Variants in GABRB1 observed in about 807,000 individuals in gnomAD.
GABRB1 encodes the protein gamma-aminobutyric acid receptor subunit beta-1.
Under a neutral mutation model 51.6 loss-of-function variants are expected in GABRB1, and 17 were observed. The ratio of observed to expected loss-of-function variants is 0.33; its 90% CI spans 0.23 to 0.49. The LOEUF (loss-of-function observed/expected upper bound fraction) is 0.49, where lower values mean the gene tolerates loss of function less well. GABRB1 is among the 20% of genes least tolerant of loss of function. The pLI is 0.99. For synonymous variants in GABRB1, 247 were observed against 218.9 expected (o/e 1.13, Z -1.14); for missense variants, 410 against 600.6 (o/e 0.68, Z 3.32).
intron 5 of GABRB1, among the ~76,000 whole-genome samples, chr4:47,398,696 T>C (rs1364982781): frequency 2.7e-5 from 4 of 148,280 alleles, no homozygotes; most frequent in East Asian, 2.0e-4. Context: ...GCCATTCTCC[T>C]GCCTCAGCCT....
rs3050706 is a variant in GABRB1 at position 47,160,753 on chromosome 4, ATTATTTAT to A, written c.241-472_241-465del. The stretch of plus-strand genomic sequence containing the variant: ...TTTCAAGTATAGTTCTAGTACTTTT[ATTATTTAT>A]TTATTTATTTATTTATTTATTTAAC... On this transcript the variant is annotated intron_variant, in intron 3 of 8. Coordinates refer to ENST00000295454, the MANE Select transcript of GABRB1 (RefSeq NM_000812.4). Among the ~76,000 whole-genome samples, 101 of 147,812 alleles carry A rather than the reference ATTATTTAT, an allele frequency of 6.8e-4. 1 individual carries two copies. In the East Asian group the frequency reaches 0.015, roughly 22 times the overall value.
intron 3 of GABRB1, among the ~76,000 whole-genome samples, chr4:47,070,824 T>C (rs1363489844): frequency 6.6e-6 from 1 of 152,126 alleles, no homozygotes; most frequent in African/African-American, 2.4e-5. Flanking sequence ...CATGAATGAG[T>C]TCATCCAGTC....
chr4:47,294,987 CA>C (rs1430416041), intron 4 of GABRB1, among the ~76,000 whole-genome samples: 1 of 152,218 alleles, frequency 6.6e-6, no homozygotes, highest in Non-Finnish European at 1.5e-5. Flanking sequence ...TGCTGATACC[CA>C]GGCAAACAGG....
chr4:47,246,120 G>A (rs964925982), intron 4 of GABRB1, among the ~76,000 whole-genome samples: 3 of 147,830 alleles, frequency 2.0e-5, no homozygotes, highest in Non-Finnish European at 3.0e-5. Context: ...TTATGCCTTT[G>A]CATCCTCATA....
At chr4:47,295,600 G>A (rs1723950749) in intron 4 of GABRB1, among the ~76,000 whole-genome samples, 1 of 152,124 alleles carries the variant, frequency 6.6e-6, no homozygotes, top group Non-Finnish European at 1.5e-5. Context: ...AAGAAATATG[G>A]GACTATGAGA....
At chr4:47,313,819 A>G (rs1294360065) in intron 4 of GABRB1, among the ~76,000 whole-genome samples, 1 of 152,048 alleles carries the variant, frequency 6.6e-6, no homozygotes, top group Non-Finnish European at 1.5e-5. Context: ...CTCCCTTCTC[A>G]GAGAGTCCTG....
chr4:47,208,678 C>T (rs79386102), intron 4 of GABRB1, among the ~76,000 whole-genome samples: 5 of 152,182 alleles, frequency 3.3e-5, no homozygotes, highest in African/African-American at 7.2e-5. Flanking sequence ...GTGAAAGGCT[C>T]TTCATGGAGA....
chr4:47,001,757 C>T (rs1724226260), intron 1 of GABRB1, among the ~76,000 whole-genome samples: 1 of 152,220 alleles, frequency 6.6e-6, no homozygotes, highest in Non-Finnish European at 1.5e-5. Context: ...ATAATCTATA[C>T]TCTATCGGTT....
At chr4:47,424,894 G>A (rs1423211699) in intron 8 of GABRB1, among the ~76,000 whole-genome samples, 3 of 152,208 alleles carry the variant, frequency 2.0e-5, no homozygotes, top group African/African-American at 7.2e-5. Context: ...GGAACTACAG[G>A]AAGCATCAGT....
chr4:47,308,736 C>A (rs571462368), intron 4 of GABRB1, among the ~76,000 whole-genome samples: 6 of 152,078 alleles, frequency 3.9e-5, no homozygotes. Context: ...CTGTCTGAGT[C>A]TTGTTTAGTT....
At chr4:47,131,891 AT>A (rs573077644) in intron 3 of GABRB1, among the ~76,000 whole-genome samples, 383 of 151,694 alleles carry the variant, frequency 2.5e-3, no homozygotes, top group Middle Eastern at 0.014. Context: ...GAGCAATATA[AT>A]TTTTTTTTCA....
chr4:47,182,069 A>G (rs1476682697), intron 4 of GABRB1, among the ~76,000 whole-genome samples: 6 of 152,042 alleles, frequency 3.9e-5, no homozygotes, highest in Admixed American at 3.3e-4. Context: ...TGCAGAAGGC[A>G]TAATCTGATC....
intron 3 of GABRB1, among the ~76,000 whole-genome samples, chr4:47,052,194 C>A (rs532719998): frequency 3.9e-5 from 6 of 152,198 alleles, no homozygotes; most frequent in African/African-American, 1.4e-4. Context: ...AGACCTGTGC[C>A]TTGTAATTGC....
chr4:47,263,993 T>A (rs1020741776), intron 4 of GABRB1, among the ~76,000 whole-genome samples: 1 of 148,266 alleles, frequency 6.7e-6, no homozygotes, highest in East Asian at 2.0e-4. Flanking sequence ...AAAAAAAAAA[T>A]CAGCCAGGTG....
At chr4:47,267,140 A>C (rs1024667053) in intron 4 of GABRB1, among the ~76,000 whole-genome samples, 1 of 152,158 alleles carries the variant, frequency 6.6e-6, no homozygotes, top group African/African-American at 2.4e-5. Context: ...TTTCTCCTTA[A>C]GAGACAGAGG....
Position 47,386,167 on chromosome 4 carries a change from T to C in GABRB1, c.545-17151T>C, listed in dbSNP as rs11942460. On this transcript the variant is annotated intron_variant, in intron 5 of 8. Coordinates refer to ENST00000295454, the MANE Select transcript of GABRB1 (RefSeq NM_000812.4). ...AAGTTTCAGGCTTCTAATCTGGGTA[T>C]GGTCTTTTTGACAACCAGCCCCCAT... Among the ~76,000 whole-genome samples the C allele has an allele frequency of 9.2e-3, 1,404 of 152,286 alleles. 19 individuals are homozygous for C. The highest frequency in any genetic ancestry group is 0.032 in the African/African-American group (1,316 of 41,554).
At chr4:47,185,388 G>T (rs1230590856) in intron 4 of GABRB1, among the ~76,000 whole-genome samples, 1 of 151,668 alleles carries the variant, frequency 6.6e-6, no homozygotes, top group African/African-American at 2.4e-5. Context: ...CAAGACTACT[G>T]CTTCTTGTAA....
intron 5 of GABRB1, among the ~76,000 whole-genome samples, chr4:47,395,923 T>G (rs1054943338): frequency 2.6e-5 from 4 of 152,122 alleles, no homozygotes; most frequent in Admixed American, 1.3e-4. Context: ...TTTTTTTAAT[T>G]GAAAGTGGAT....
At chr4:47,198,012 T>A (rs2109792771) in intron 4 of GABRB1, among the ~76,000 whole-genome samples, 1 of 152,306 alleles carries the variant, frequency 6.6e-6, no homozygotes, top group African/African-American at 2.4e-5. Context: ...CCATCAAGGA[T>A]GAATCTGAAT....
Sources: gnomAD v4.1 joint callset for allele counts (sites outside exome capture counted in the v4.1 genomes callset) on GRCh38, gnomAD v4.1.1 for gene constraint, MANE v1.5 for transcripts, NCBI Gene and HGNC (gene_info 2026-07-23, HGNC 2026-07-21) for gene names.